ASTN2: variants seen among roughly 807,000 people sequenced by gnomAD.
ASTN2 encodes the protein astrotactin 2, also known as astrotactin-2.
In ASTN2, 54 loss-of-function variants were observed where a neutral mutation model predicts 139.8. That is an observed-to-expected ratio of 0.39 (90% CI 0.31 to 0.48). The LOEUF (loss-of-function observed/expected upper bound fraction) is 0.48. Among genes scored for constraint, ASTN2 ranks in the 20% least tolerant of loss-of-function variants. The pLI, the probability that ASTN2 is intolerant of heterozygous loss-of-function variation, is 0.95. For synonymous variants in ASTN2, 756 were observed against 719.5 expected, an observed-to-expected ratio of 1.05 and a Z score of -0.81; for missense variants, 1,565 against 1,725.1, an observed-to-expected ratio of 0.91 and a Z score of 1.64.
intron 5 of ASTN2, among the ~76,000 whole-genome samples, chr9:117,073,643 A>G (rs10983507): frequency 0.12 from 18,385 of 152,204 alleles, 1,345 homozygotes; most frequent in East Asian, 0.19. Context: ...GTTACACTCA[A>G]TGCATGACTG....
At chr9:116,686,564 T>G (rs913344768) in intron 16 of ASTN2, 1 of 893,508 alleles carries the variant, frequency 1.1e-6, no homozygotes, top group African/African-American at 1.6e-5. Flanking sequence ...GCCAGTCCTG[T>G]ATCAGACCTC....
At position 116,741,736 on chromosome 9, in the gene ASTN2, G is replaced by A. The variant is rs562843986; in HGVS notation, c.2397-8213C>T. Among the ~76,000 whole-genome samples, 35 of 152,276 alleles carry A rather than the reference G, an allele frequency of 2.3e-4. No individual in the cohort carries two copies. The Middle Eastern group carries it at 0.017, about 74-fold the overall frequency. On this transcript the variant is annotated intron_variant, in intron 13 of 22. Coordinates refer to ENST00000313400, the MANE Select transcript of ASTN2 (RefSeq NM_001365068.1). Reference sequence around the variant, plus strand: ...ATTTTGTAGCTGTCCTGCAGGTGCCGGAGACATCTATAGGGTCTGGTGGTG... The same window carrying A: ...ATTTTGTAGCTGTCCTGCAGGTGCCAGAGACATCTATAGGGTCTGGTGGTG...
chr9:117,106,271 G>A (rs767713642), intron 4 of ASTN2, among the ~76,000 whole-genome samples: 21 of 151,644 alleles, frequency 1.4e-4, no homozygotes, highest in Non-Finnish European at 2.9e-4. Flanking sequence ...CTGTAACCCA[G>A]GCTGGAGTGC....
chr9:116,986,159 T>G (rs76188064), intron 7 of ASTN2, among the ~76,000 whole-genome samples: 1 of 125,328 alleles, frequency 8.0e-6, no homozygotes. Context: ...TTGTCCAGGC[T>G]GCCCCCCCCC....
intron 13 of ASTN2, among the ~76,000 whole-genome samples, chr9:116,764,199 C>T (rs1429515377): frequency 1.3e-5 from 2 of 152,216 alleles, no homozygotes; most frequent in African/African-American, 4.8e-5. Flanking sequence ...CCAGATGCTG[C>T]CTGTGTCGCT....
At chr9:117,154,773 G>T (rs1830396789) in intron 3 of ASTN2, among the ~76,000 whole-genome samples, 1 of 151,988 alleles carries the variant, frequency 6.6e-6, no homozygotes, top group South Asian at 2.1e-4. Context: ...GCTTACCCTT[G>T]AGTACAATGA....
chr9:116,619,726 C>T (rs1385617329), intron 18 of ASTN2, among the ~76,000 whole-genome samples: 1 of 118,984 alleles, frequency 8.4e-6, no homozygotes, highest in African/African-American at 3.3e-5. Context: ...GAGACGAGGT[C>T]TCATTATGTT....
intron 10 of ASTN2, 37 bp downstream of exon 10, chr9:116,975,171 G>A: frequency 2.0e-6 from 3 of 1,522,592 alleles, no homozygotes; most frequent in Non-Finnish European, 2.7e-6. Flanking sequence ...AAGGTTTTAA[G>A]AAGTACCTAT....
intron 10 of ASTN2, among the ~76,000 whole-genome samples, chr9:116,936,699 C>T (rs1232303419): frequency 2.0e-5 from 3 of 152,134 alleles, no homozygotes; most frequent in Non-Finnish European, 2.9e-5. Context: ...CCCTTGAGCA[C>T]TTCAGTATCA....
At chr9:117,123,038 A>T (rs1315566177) in intron 4 of ASTN2, among the ~76,000 whole-genome samples, 1 of 152,166 alleles carries the variant, frequency 6.6e-6, no homozygotes, top group Non-Finnish European at 1.5e-5. Context: ...ACTGAAGAGG[A>T]AGCCAAGGAT....
chr9:117,062,468 C>T (rs868317839), intron 5 of ASTN2, among the ~76,000 whole-genome samples: 1 of 152,136 alleles, frequency 6.6e-6, no homozygotes, highest in Non-Finnish European at 1.5e-5. Context: ...TGTGTAAGAC[C>T]TACTGAACAG....
chr9:117,231,761 A>T (rs2133057683), intron 2 of ASTN2, among the ~76,000 whole-genome samples: 1 of 152,218 alleles, frequency 6.6e-6, no homozygotes, highest in Non-Finnish European at 1.5e-5. Flanking sequence ...GATAGAAGGA[A>T]GTGCAGGAGA....
At chr9:116,751,788 G>T (rs1829409733) in intron 13 of ASTN2, among the ~76,000 whole-genome samples, 1 of 151,910 alleles carries the variant, frequency 6.6e-6, no homozygotes, top group Non-Finnish European at 1.5e-5. Flanking sequence ...AAATACTTGG[G>T]TATAAATCTA....
intron 7 of ASTN2, among the ~76,000 whole-genome samples, chr9:116,988,115 G>T (rs777206070): frequency 5.9e-5 from 9 of 152,324 alleles, no homozygotes; most frequent in South Asian, 4.1e-4. Context: ...GGATGAGGGG[G>T]AACTACTATA....
Position 116,813,712 on chromosome 9 carries a change from A to G in ASTN2, c.2207+6905T>C, listed in dbSNP as rs367824019. On this transcript the variant is annotated intron_variant, in intron 12 of 22. Coordinates refer to ENST00000313400, the MANE Select transcript of ASTN2 (RefSeq NM_001365068.1). ...AAATACATATCCTAGAAACTTTTTG[A>G]AAATAAGGAAGGAATCAAATCCTTA... Among the ~76,000 whole-genome samples the G allele has an allele frequency of 3.9e-5, 6 of 152,280 alleles. No individual in the cohort carries two copies. In the East Asian group the frequency reaches 9.6e-4, roughly 24 times the overall value.
intron 1 of ASTN2, among the ~76,000 whole-genome samples, chr9:117,345,257 C>T (rs985958045): frequency 3.3e-5 from 5 of 152,062 alleles, no homozygotes; most frequent in Non-Finnish European, 2.9e-5. Context: ...TATTGAGTAC[C>T]TAGTATGTGT....
At chr9:117,013,481 TA>T (rs1564384065) in intron 6 of ASTN2, among the ~76,000 whole-genome samples, 98 of 37,764 alleles carry the variant, frequency 2.6e-3, no homozygotes, top group South Asian at 6.0e-3. Flanking sequence ...TATATATATA[TA>T]TATATTTTTT....
chr9:117,186,059 A>G (rs1292121458), intron 3 of ASTN2, among the ~76,000 whole-genome samples: 3 of 152,194 alleles, frequency 2.0e-5, no homozygotes, highest in African/African-American at 7.2e-5. Context: ...TCCTGGGTCT[A>G]ATACAAACCA....
At chr9:116,629,125 T>C (rs1363802952) in intron 17 of ASTN2, among the ~76,000 whole-genome samples, 1 of 147,544 alleles carries the variant, frequency 6.8e-6, no homozygotes. Flanking sequence ...TTTTTTTTTT[T>C]TTTTTTTTTT....
Sources: allele counts gnomAD v4.1 joint callset (sites outside exome capture counted in the v4.1 genomes callset), GRCh38; gene constraint gnomAD v4.1.1; transcripts MANE v1.5; gene names NCBI Gene and HGNC (gene_info 2026-07-23, HGNC 2026-07-21).